SLC5A8: variants seen among roughly 807,000 people sequenced by gnomAD.
SLC5A8 encodes the protein sodium-coupled monocarboxylate transporter 1.
In SLC5A8, 55 loss-of-function variants were observed where a neutral mutation model predicts 71.9. The observed-to-expected ratio is 0.77, with a 90% CI of 0.62 to 0.96. The LOEUF is 0.96. Ranked by LOEUF, SLC5A8 falls within the 40% of genes least tolerant of loss-of-function variation. The pLI is 0.00. For synonymous variants in SLC5A8, 307 were observed against 276.1 expected, an observed-to-expected ratio of 1.11 and a Z score of -1.11; for missense variants, 701 against 745.3, an observed-to-expected ratio of 0.94 and a Z score of 0.69.
chr12:101,175,015 A>T (rs1172557154), intron 10 of SLC5A8, among the ~76,000 whole-genome samples: 1 of 152,228 alleles, frequency 6.6e-6, no homozygotes, highest in African/African-American at 2.4e-5. Context: ...GCCATGATTT[A>T]AAAAATGCTT....
At chr12:101,158,553 T>C (rs1362246237) in intron 13 of SLC5A8, among the ~76,000 whole-genome samples, 1 of 26,030 alleles carries the variant, frequency 3.8e-5, no homozygotes, top group Non-Finnish European at 7.8e-5. Context: ...AATATGAGTC[T>C]CTCTCTCTCT....
chr12:101,174,223 G>A (rs1041588541), intron 10 of SLC5A8, among the ~76,000 whole-genome samples: 1 of 152,152 alleles, frequency 6.6e-6, no homozygotes. Context: ...TGCCAGTTGT[G>A]TTCAGAGGTT....
chr12:101,181,600 G>A (rs1185037910), intron 9 of SLC5A8, among the ~76,000 whole-genome samples: 1 of 152,114 alleles, frequency 6.6e-6, no homozygotes. Context: ...AGAAATAGAG[G>A]CTTGTATGGG....
At position 101,158,356 on chromosome 12, in the gene SLC5A8, G is replaced by A. The variant is rs373545914; in HGVS notation, c.1631-28C>T. 3.7e-5 allele frequency: 55 copies of A among 1,478,410 alleles called. No homozygotes were observed. In the Middle Eastern group the frequency reaches 5.3e-4, roughly 14 times the overall value. 91.6% of individuals were successfully genotyped at this position (1,478,410 alleles called of 1,614,324 possible). A position where few individuals can be genotyped will look rare whatever the true frequency, so the allele number is the denominator to read the frequency against. ...GGAAAAAAAAATGTACATGACTTAC[G>A]TTGTTAAAAAGGACACCAGTAACTA... On this transcript the variant is annotated intron_variant, in intron 13 of 14. Coordinates refer to ENST00000536262, the MANE Select transcript of SLC5A8 (RefSeq NM_145913.5).
intron 10 of SLC5A8, among the ~76,000 whole-genome samples, chr12:101,178,927 G>T (rs2051906604): frequency 6.6e-6 from 1 of 151,706 alleles, no homozygotes; most frequent in Non-Finnish European, 1.5e-5. Flanking sequence ...CTAGTATACA[G>T]AATACATAAA....
chr12:101,184,259 C>CT, intron 7 of SLC5A8, 37 bp from the exon 8 acceptor site: 1 of 1,538,444 alleles, frequency 6.5e-7, no homozygotes, highest in South Asian at 1.1e-5. Flanking sequence ...AGTACTTTCG[C>CT]TACTGAATAA....
intron 10 of SLC5A8, among the ~76,000 whole-genome samples, chr12:101,172,894 G>A (rs1455333036): frequency 6.6e-6 from 1 of 152,144 alleles, no homozygotes; most frequent in Non-Finnish European, 1.5e-5. Context: ...GGTGCAAGGT[G>A]GTCTGTTCCA....
intron 9 of SLC5A8, 100 bp from the exon 10 acceptor site, chr12:101,180,196 T>C (rs1250240171): frequency 1.6e-6 from 2 of 1,221,530 alleles, no homozygotes; most frequent in East Asian, 2.3e-5. Context: ...GTGGATAATA[T>C]GACTGTGGTG....
rs771424595 is a variant in SLC5A8, at chr12:101,195,140, G to GC, written c.491dup (p.Ala165ArgfsTer19). The GC allele has an allele frequency of 6.2e-7, 1 of 1,613,960 alleles. No homozygotes were observed. Among genetic ancestry groups the GC allele is most frequent in the South Asian group, 1.1e-5 (1 of 91,054 alleles). The stretch of plus-strand genomic sequence containing the variant: ...AGACCACCCCCGTTGCCACTACCGC[G>GC]CCCCACAGATCAAATCCTGTGACTG... On this transcript the variant is annotated frameshift_variant, in exon 4 of 15. Coordinates refer to ENST00000536262, the MANE Select transcript of SLC5A8 (RefSeq NM_145913.5). LOFTEE classifies it high-confidence loss of function.
chr12:101,165,570 C>G (rs1414597585), intron 12 of SLC5A8, among the ~76,000 whole-genome samples: 1 of 152,154 alleles, frequency 6.6e-6, no homozygotes, highest in African/African-American at 2.4e-5. Context: ...CCTTTCCACT[C>G]TACCATACAC....
intron 1 of SLC5A8, 116 bp downstream of exon 1, chr12:101,209,382 A>G: frequency 1.4e-6 from 1 of 739,682 alleles, no homozygotes; most frequent in Non-Finnish European, 2.2e-6. Flanking sequence ...ATGACGATGG[A>G]CGGGGAGAGA....
At chr12:101,207,879 A>G (rs375603110) in intron 1 of SLC5A8, among the ~76,000 whole-genome samples, 3 of 152,164 alleles carry the variant, frequency 2.0e-5, no homozygotes, top group Admixed American at 2.0e-4. Context: ...TGATAAAGAC[A>G]TAAATGCAGA....
chr12:101,193,869 A>G, intron 4 of SLC5A8, 90 bp from the exon 5 acceptor site: 1 of 1,312,024 alleles, frequency 7.6e-7, no homozygotes, highest in South Asian at 1.5e-5. Context: ...GAAAAATGAT[A>G]TAAACATGAA....
intron 10 of SLC5A8, among the ~76,000 whole-genome samples, chr12:101,178,370 TG>T (rs1437630243): frequency 6.6e-6 from 1 of 152,134 alleles, no homozygotes; most frequent in East Asian, 1.9e-4. Flanking sequence ...AAGAATACAG[TG>T]GGAGGAATCG....
chr12:101,179,795 C>CT (rs1217640596), intron 10 of SLC5A8, among the ~76,000 whole-genome samples: 2 of 152,042 alleles, frequency 1.3e-5, no homozygotes, highest in Admixed American at 1.3e-4. Context: ...CTGAGGGAAA[C>CT]TGAGTAAAGA....
At chr12:101,181,913 T>C (rs1010256750) in intron 9 of SLC5A8, among the ~76,000 whole-genome samples, 4 of 152,214 alleles carry the variant, frequency 2.6e-5, no homozygotes, top group African/African-American at 9.6e-5. Flanking sequence ...GAATTATGGC[T>C]ACTAATGGGG....
chr12:101,167,962 T>A, intron 11 of SLC5A8, 134 bp downstream of exon 11: 1 of 853,256 alleles, frequency 1.2e-6, no homozygotes, highest in Non-Finnish European at 1.8e-6. Context: ...TCCACCAAAG[T>A]CAACAGAAAT....
chr12:101,171,326 C>G (rs533236307), intron 10 of SLC5A8, among the ~76,000 whole-genome samples: 15 of 152,174 alleles, frequency 9.9e-5, no homozygotes, highest in Non-Finnish European at 1.8e-4. Flanking sequence ...ACAGATAGGA[C>G]TGACCCTCTG....
intron 11 of SLC5A8, among the ~76,000 whole-genome samples, chr12:101,167,754 T>A (rs536406970): frequency 6.6e-6 from 1 of 152,326 alleles, no homozygotes; most frequent in African/African-American, 2.4e-5. Flanking sequence ...TTTCTGCCCT[T>A]AAATCTCTCA....
Sources: allele counts gnomAD v4.1 joint callset (sites outside exome capture counted in the v4.1 genomes callset), GRCh38; gene constraint gnomAD v4.1.1; transcripts MANE v1.5; gene names NCBI Gene and HGNC (gene_info 2026-07-23, HGNC 2026-07-21).